PDZRN4: variants seen among roughly 807,000 people sequenced by gnomAD.
PDZRN4 encodes the protein PDZ domain-containing RING finger protein 4.
A neutral mutation model predicts 99.0 loss-of-function variants in PDZRN4; 70 were observed. That is an observed-to-expected ratio of 0.71 (90% CI 0.58 to 0.86). PDZRN4 has a LOEUF of 0.86. Among genes scored for constraint, PDZRN4 ranks in the 40% least tolerant of loss-of-function variants. The probability of loss-of-function intolerance (pLI) is 0.00; values close to 1 mark genes in which losing one functional copy is unlikely to be tolerated. For synonymous variants in PDZRN4, 551 were observed against 501.6 expected, an observed-to-expected ratio of 1.10 and a Z score of -1.32; for missense variants, 1,474 against 1,331.2, an observed-to-expected ratio of 1.11 and a Z score of -1.67.
chr12:41,368,650 G>A lies in PDZRN4; in HGVS notation c.844-137806G>A, dbSNP rs569583316. Reference sequence around the variant, plus strand: ...TCACCTCTAAGTTTTTTGGGGTGGGGGCTTTTGGCATCTTTCTTGCCTGCA... The same window carrying A: ...TCACCTCTAAGTTTTTTGGGGTGGGAGCTTTTGGCATCTTTCTTGCCTGCA... On this transcript the variant is annotated intron_variant, in intron 3 of 9. Coordinates refer to ENST00000402685, the MANE Select transcript of PDZRN4 (RefSeq NM_001164595.2). 4.6e-5 allele frequency among the ~76,000 whole-genome samples: 7 copies of A among 152,088 alleles called. No individual in the cohort carries two copies. The South Asian group carries it at 1.5e-3, about 32-fold the overall frequency.
chr12:41,210,981 C>A (rs1950884362), intron 3 of PDZRN4, among the ~76,000 whole-genome samples: 1 of 151,936 alleles, frequency 6.6e-6, no homozygotes, highest in African/African-American at 2.4e-5. Flanking sequence ...GCTGTTTATT[C>A]AAATGTAATT....
At chr12:41,419,221 G>A (rs548222087) in intron 3 of PDZRN4, among the ~76,000 whole-genome samples, 1 of 152,264 alleles carries the variant, frequency 6.6e-6, no homozygotes, top group East Asian at 1.9e-4. Context: ...GCTTCTGTGA[G>A]AGTCACCATA....
At chr12:41,434,891 T>C (rs1952615691) in intron 3 of PDZRN4, among the ~76,000 whole-genome samples, 1 of 152,224 alleles carries the variant, frequency 6.6e-6, no homozygotes, top group Non-Finnish European at 1.5e-5. Context: ...TTCAGATGAA[T>C]GCTTTTGTCC....
intron 3 of PDZRN4, among the ~76,000 whole-genome samples, chr12:41,324,963 C>T (rs1301649430): frequency 1.3e-5 from 2 of 152,090 alleles, no homozygotes; most frequent in East Asian, 3.9e-4. Context: ...ATGTGGCTCT[C>T]ATCTGTGCTC....
At chr12:41,243,847 T>C (rs1051199336) in intron 3 of PDZRN4, among the ~76,000 whole-genome samples, 1 of 152,202 alleles carries the variant, frequency 6.6e-6, no homozygotes, top group African/African-American at 2.4e-5. Context: ...CTATAACTAA[T>C]GTTCCTATTT....
chr12:41,364,182 C>A (rs1007675061), intron 3 of PDZRN4, among the ~76,000 whole-genome samples: 5 of 151,978 alleles, frequency 3.3e-5, no homozygotes, highest in African/African-American at 1.2e-4. Flanking sequence ...GTGTATTGGC[C>A]AGCTAAATGA....
intron 3 of PDZRN4, among the ~76,000 whole-genome samples, chr12:41,322,452 T>C (rs1051262314): frequency 1.3e-5 from 2 of 149,762 alleles, no homozygotes; most frequent in Non-Finnish European, 3.0e-5. Context: ...TGGAATGTTG[T>C]ATAAAACGAA....
chr12:41,427,505 G>A (rs1336556003), intron 3 of PDZRN4, among the ~76,000 whole-genome samples: 1 of 152,082 alleles, frequency 6.6e-6, no homozygotes, highest in Non-Finnish European at 1.5e-5. Flanking sequence ...GTTTTTTAGA[G>A]TGAGGCTCAA....
intron 3 of PDZRN4, among the ~76,000 whole-genome samples, chr12:41,396,235 C>T (rs1372160532): frequency 6.6e-6 from 1 of 152,074 alleles, no homozygotes; most frequent in Non-Finnish European, 1.5e-5. Flanking sequence ...TATTTTTCCT[C>T]TAGTTTCCAA....
chr12:41,540,097 G>A (rs1422301379), intron 5 of PDZRN4, among the ~76,000 whole-genome samples: 1 of 152,102 alleles, frequency 6.6e-6, no homozygotes, highest in Non-Finnish European at 1.5e-5. Flanking sequence ...TTAATGCTTT[G>A]GAATTATGAC....
At chr12:41,238,734 C>T (rs1447076989) in intron 3 of PDZRN4, among the ~76,000 whole-genome samples, 1 of 151,314 alleles carries the variant, frequency 6.6e-6, no homozygotes, top group African/African-American at 2.4e-5. Flanking sequence ...AAATAAAAAA[C>T]CTCAGAATGG....
chr12:41,253,083 T>C (rs1951181587), intron 3 of PDZRN4, among the ~76,000 whole-genome samples: 1 of 152,284 alleles, frequency 6.6e-6, no homozygotes. Flanking sequence ...CGGTATTGAA[T>C]TGAGATAAAA....
At chr12:41,225,222 T>C (rs1407649488) in intron 3 of PDZRN4, among the ~76,000 whole-genome samples, 1 of 152,156 alleles carries the variant, frequency 6.6e-6, no homozygotes, top group Non-Finnish European at 1.5e-5. Context: ...AATTTGCAGT[T>C]ATTTACCACA....
intron 3 of PDZRN4, among the ~76,000 whole-genome samples, chr12:41,392,973 G>A (rs938971362): frequency 6.6e-6 from 1 of 152,136 alleles, no homozygotes; most frequent in African/African-American, 2.4e-5. Context: ...ATTCATTCAG[G>A]AAGATTTATT....
At chr12:41,268,476 G>C (rs1471597866) in intron 3 of PDZRN4, among the ~76,000 whole-genome samples, 2 of 152,198 alleles carry the variant, frequency 1.3e-5, no homozygotes, top group African/African-American at 4.8e-5. Flanking sequence ...AACCAGACAG[G>C]CTCCAAAGGA....
intron 3 of PDZRN4, among the ~76,000 whole-genome samples, chr12:41,243,512 C>A (rs1459818373): frequency 6.6e-6 from 1 of 152,144 alleles, no homozygotes; most frequent in African/African-American, 2.4e-5. Flanking sequence ...ATTATTCATG[C>A]AAGTGATATC....
chr12:41,403,658 T>G (rs1203428187), intron 3 of PDZRN4, among the ~76,000 whole-genome samples: 1 of 152,176 alleles, frequency 6.6e-6, no homozygotes, highest in Non-Finnish European at 1.5e-5. Context: ...AAGTTTGGCT[T>G]TACATTTCAA....
chr12:41,525,211 G>A (rs778049516), intron 5 of PDZRN4, among the ~76,000 whole-genome samples: 8 of 152,152 alleles, frequency 5.3e-5, no homozygotes, highest in South Asian at 2.1e-4. Context: ...AGAGTCCCAG[G>A]GGAGAGAAAA....
At chr12:41,229,566 C>T (rs910406691) in intron 3 of PDZRN4, among the ~76,000 whole-genome samples, 2 of 152,004 alleles carry the variant, frequency 1.3e-5, no homozygotes, top group Non-Finnish European at 2.9e-5. Flanking sequence ...TCCCTATCTG[C>T]TATATCAAAG....
Sources: gnomAD v4.1 joint callset for allele counts (sites outside exome capture counted in the v4.1 genomes callset) on GRCh38, gnomAD v4.1.1 for gene constraint, MANE v1.5 for transcripts, NCBI Gene and HGNC (gene_info 2026-07-23, HGNC 2026-07-21) for gene names.